SUGCT: variants seen among roughly 807,000 people sequenced by gnomAD.
SUGCT encodes the protein succinyl-CoA:glutarate CoA-transferase.
Under a neutral mutation model 55.0 loss-of-function variants are expected in SUGCT, and 41 were observed. The observed-to-expected ratio is 0.74, with a 90% CI of 0.58 to 0.97. The LOEUF (loss-of-function observed/expected upper bound fraction) is 0.97, where lower values mean the gene tolerates loss of function less well. Among genes scored for constraint, SUGCT ranks in the 50% least tolerant of loss-of-function variants. The pLI is 0.00. For synonymous variants in SUGCT, 187 were observed against 200.4 expected (o/e 0.93, Z 0.56); for missense variants, 568 against 547.8 (o/e 1.04, Z -0.37).
At chr7:40,266,441 G>T (rs1025167597) in intron 7 of SUGCT, among the ~76,000 whole-genome samples, 1 of 151,674 alleles carries the variant, frequency 6.6e-6, no homozygotes, top group Non-Finnish European at 1.5e-5. Context: ...GAGCCACTGC[G>T]CCTGGCCTGA....
intron 7 of SUGCT, among the ~76,000 whole-genome samples, chr7:40,246,925 A>G (rs2150914226): frequency 6.6e-6 from 1 of 152,228 alleles, no homozygotes; most frequent in East Asian, 1.9e-4. Context: ...ATGTTCATTC[A>G]ATTTTGTGTG....
At chr7:40,596,060 T>C (rs1008325973) in intron 12 of SUGCT, among the ~76,000 whole-genome samples, 4 of 152,100 alleles carry the variant, frequency 2.6e-5, no homozygotes, top group Non-Finnish European at 5.9e-5. Flanking sequence ...ATGGCTGACA[T>C]GTTTATAAGC....
the SUGCT span, among the ~76,000 whole-genome samples, chr7:40,889,574 T>C: frequency 6.6e-6 from 1 of 152,140 alleles, no homozygotes; most frequent in Admixed American, 6.5e-5. Context: ...TTCACTACCT[T>C]GAGGGCTTGA....
chr7:40,973,542 G>A, the SUGCT span, among the ~76,000 whole-genome samples: 1 of 152,134 alleles, frequency 6.6e-6, no homozygotes, highest in African/African-American at 2.4e-5. Flanking sequence ...ACTGTTAAAA[G>A]CACGTCTGAA....
chr7:40,235,102 C>T (rs1788937650), intron 6 of SUGCT, among the ~76,000 whole-genome samples: 3 of 151,796 alleles, frequency 2.0e-5, no homozygotes, highest in South Asian at 4.2e-4. Flanking sequence ...TAAGCAGAGA[C>T]ATGTTTTAAC....
intron 13 of SUGCT, among the ~76,000 whole-genome samples, chr7:40,848,450 G>A (rs4050966): frequency 0.35 from 52,887 of 151,778 alleles, 10,057 homozygotes; most frequent in East Asian, 0.82. Context: ...CCCTAAAGCT[G>A]GCTTAATAAA....
the SUGCT span, among the ~76,000 whole-genome samples, chr7:40,950,964 C>A: frequency 4.2e-5 from 6 of 143,026 alleles, no homozygotes; most frequent in African/African-American, 1.5e-4. Context: ...CAGGATGATG[C>A]TGGCCTCATA....
At chr7:40,713,912 A>G (rs1785869701) in intron 12 of SUGCT, among the ~76,000 whole-genome samples, 1 of 152,230 alleles carries the variant, frequency 6.6e-6, no homozygotes, top group South Asian at 2.1e-4. Context: ...ACATTAGGGG[A>G]CATCATTTGG....
At chr7:40,212,172 T>C (rs1255550998) in intron 6 of SUGCT, among the ~76,000 whole-genome samples, 1 of 151,530 alleles carries the variant, frequency 6.6e-6, no homozygotes, top group African/African-American at 2.4e-5. Context: ...GCAGCCTTGA[T>C]CCTCTGGGCT....
chr7:40,945,970 G>T, the SUGCT span, among the ~76,000 whole-genome samples: 9 of 152,164 alleles, frequency 5.9e-5, no homozygotes, highest in Admixed American at 5.2e-4. Context: ...GAATCTGTGA[G>T]ATACCTTGGT....
rs570156852 is a variant in SUGCT at position 40,762,142 on chromosome 7, C to T, written c.1153+12645C>T. Reference sequence around the variant, plus strand: ...ACACTGACGTGCAGATCAGGAATAGCTCACACGGTGATGCTCTTGCACTAG... The same window carrying T: ...ACACTGACGTGCAGATCAGGAATAGTTCACACGGTGATGCTCTTGCACTAG... On this transcript the variant is annotated intron_variant, in intron 13 of 13. Transcript: ENST00000335693. 8.5e-5 allele frequency among the ~76,000 whole-genome samples: 13 copies of T among 152,340 alleles called. No homozygotes were observed. In the South Asian group the frequency reaches 2.3e-3, roughly 27 times the overall value.
chr7:40,840,055 A>T lies in SUGCT; in HGVS notation c.1154-20261A>T, dbSNP rs940657986. Among the ~76,000 whole-genome samples, 3 of 152,166 alleles carry T rather than the reference A, an allele frequency of 2.0e-5. No homozygotes were observed. In the East Asian group the frequency reaches 5.8e-4, roughly 29 times the overall value. On this transcript the variant is annotated intron_variant, in intron 13 of 13. Coordinates refer to ENST00000335693, the MANE Select transcript of SUGCT (RefSeq NM_001193313.2). ...GAAAAAACAGATGACTCAGTGCCTT[A>T]GGTATTTATCAAAGTGTGAAACTGA...
At chr7:40,237,947 CA>C (rs1020565122) in intron 7 of SUGCT, among the ~76,000 whole-genome samples, 1 of 152,166 alleles carries the variant, frequency 6.6e-6, no homozygotes, top group Non-Finnish European at 1.5e-5. Flanking sequence ...TGAGTCTAAA[CA>C]TCAATTTGGC....
intron 12 of SUGCT, among the ~76,000 whole-genome samples, chr7:40,531,667 TA>T (rs1306721840): frequency 4.0e-5 from 6 of 151,306 alleles, no homozygotes; most frequent in African/African-American, 1.5e-4. Context: ...TATGTATATA[TA>T]TTTTTTTATT....
the SUGCT span, among the ~76,000 whole-genome samples, chr7:41,010,514 G>A: frequency 5.3e-5 from 8 of 152,206 alleles, no homozygotes; most frequent in East Asian, 1.9e-4. Flanking sequence ...GCCTTGAAGC[G>A]GAAATTGAGA....
rs555491318 is a variant in SUGCT at position 40,152,090 on chromosome 7, T to C, written c.100+16970T>C. Among the ~76,000 whole-genome samples, 11 of 152,306 alleles carry C rather than the reference T, an allele frequency of 7.2e-5. No individual in the cohort carries two copies. In the South Asian group the frequency reaches 2.3e-3, roughly 32 times the overall value. ...TCAGCACCAGTGTTAGGTTTTACAA[T>C]AGTGATGTTATCCCTAAGAGCAACT... On this transcript the variant is annotated intron_variant, in intron 1 of 13. Transcript: ENST00000335693.
chr7:40,882,428 C>A, the SUGCT span, among the ~76,000 whole-genome samples: 8 of 152,110 alleles, frequency 5.3e-5, no homozygotes, highest in African/African-American at 1.7e-4. Context: ...CTCTTTTCTC[C>A]TATGGAAGGC....
At chr7:40,925,845 A>G in the SUGCT span, among the ~76,000 whole-genome samples, 8 of 152,128 alleles carry the variant, frequency 5.3e-5, no homozygotes, top group East Asian at 3.9e-4. Flanking sequence ...TGCAATTCCA[A>G]CAATTTGGGA....
intron 13 of SUGCT, among the ~76,000 whole-genome samples, chr7:40,766,797 A>C (rs896139453): frequency 6.6e-6 from 1 of 152,194 alleles, no homozygotes; most frequent in African/African-American, 2.4e-5. Context: ...ATATGTGTTC[A>C]CGTGACATAT....
Sources: gnomAD v4.1 joint callset for allele counts (sites outside exome capture counted in the v4.1 genomes callset) on GRCh38, gnomAD v4.1.1 for gene constraint, MANE v1.5 for transcripts, NCBI Gene and HGNC (gene_info 2026-07-23, HGNC 2026-07-21) for gene names.